The following UPRT variants were observed in gnomAD, a reference collection of about 807,000 sequenced individuals.
The protein encoded by UPRT is RP11-311P8.3.
In UPRT, 5 loss-of-function variants were observed where a neutral mutation model predicts 22.6. The ratio of observed to expected loss-of-function variants is 0.22; its 90% confidence interval spans 0.12 to 0.47. The LOEUF (loss-of-function observed/expected upper bound fraction) is 0.47, where lower values mean the gene tolerates loss of function less well. Among genes scored for constraint, UPRT ranks in the 20% least tolerant of loss-of-function variants. The probability of loss-of-function intolerance (pLI) is 0.99; values close to 1 mark genes in which losing one functional copy is unlikely to be tolerated. For missense variants in UPRT, 181 were observed against 239.9 expected, an observed-to-expected ratio of 0.75 and a Z score of 1.62; for synonymous variants, 77 against 87.7, an observed-to-expected ratio of 0.88 and a Z score of 0.68.
chrX:75,274,874 G>T (rs2082625591), intron 1 of UPRT: 3 of 380,734 alleles, frequency 7.9e-6, no homozygotes, highest in Non-Finnish European at 1.3e-5. Flanking sequence ...ACATCACTTT[G>T]GGTGGGGAGG....
chrX:75,179,841 C>G (rs1044794236), intron 4 of UPRT, among the ~76,000 whole-genome samples: 1 of 112,945 alleles, frequency 8.9e-6, no homozygotes, highest in East Asian at 2.8e-4. Context: ...CACACCTACC[C>G]GGAACTCCAG....
upstream of UPRT, among the ~76,000 whole-genome samples, chrX:75,270,232 G>C (rs5938006): frequency 0.055 from 6,113 of 111,352 alleles, 208 homozygotes; most frequent in South Asian, 0.13. Flanking sequence ...TTAGAATGGT[G>C]ATCATTAAAA....
chrX:75,217,658 A>G (rs1369290924), intron 4 of UPRT, among the ~76,000 whole-genome samples: 1 of 112,072 alleles, frequency 8.9e-6, no homozygotes, highest in Non-Finnish European at 1.9e-5. Context: ...TTGATTTTCC[A>G]AAACAGCATG....
chrX:75,158,319 T>G (rs2082189578), intron 1 of UPRT, among the ~76,000 whole-genome samples: 1 of 111,961 alleles, frequency 8.9e-6, no homozygotes, highest in Admixed American at 9.5e-5. Context: ...GAGACAGAGG[T>G]ATACACAATA....
At chrX:75,226,619 A>G (rs1006324288) in intron 4 of UPRT, among the ~76,000 whole-genome samples, 1 of 111,081 alleles carries the variant, frequency 9.0e-6, no homozygotes, top group African/African-American at 3.3e-5. Context: ...CCGAGATTGC[A>G]TTCTTATCTA....
chrX:75,167,608 T>C (rs1455152688), intron 3 of UPRT, among the ~76,000 whole-genome samples: 3 of 112,287 alleles, frequency 2.7e-5, no homozygotes, highest in Non-Finnish European at 5.6e-5. Flanking sequence ...TTTAATCTTA[T>C]AATTTCAAAA....
intron 1 of UPRT, among the ~76,000 whole-genome samples, chrX:75,157,122 A>G (rs1477874627): frequency 8.9e-6 from 1 of 112,330 alleles, no homozygotes; most frequent in Non-Finnish European, 1.9e-5. Context: ...AAATGTCAAA[A>G]TATGTTTACA....
chrX:75,252,628 G>C (rs995002990), intron 4 of UPRT, among the ~76,000 whole-genome samples: 2 of 112,082 alleles, frequency 1.8e-5, no homozygotes, highest in African/African-American at 6.5e-5. Flanking sequence ...GTGGAAGTCA[G>C]TGTGGCGATT....
chrX:75,259,123 G>A (rs990248846), intron 4 of UPRT, among the ~76,000 whole-genome samples: 10 of 111,115 alleles, frequency 9.0e-5, no homozygotes, highest in African/African-American at 2.9e-4. Context: ...GAAGGTCACC[G>A]ACATCAAAGA....
chrX:75,226,533 C>T (rs973540951), intron 4 of UPRT, among the ~76,000 whole-genome samples: 1 of 111,724 alleles, frequency 9.0e-6, no homozygotes, highest in Non-Finnish European at 1.9e-5. Flanking sequence ...CCTAGTCACT[C>T]TGCTAATTAA....
At chrX:75,165,527 A>G (rs2082210715) in intron 3 of UPRT, among the ~76,000 whole-genome samples, 2 of 111,526 alleles carry the variant, frequency 1.8e-5, no homozygotes, top group African/African-American at 6.5e-5. Flanking sequence ...AGGGATTACA[A>G]TTCTCCAATG....
At chrX:75,230,291 G>T (rs1279608283) in intron 4 of UPRT, among the ~76,000 whole-genome samples, 1 of 111,420 alleles carries the variant, frequency 9.0e-6, no homozygotes, top group Non-Finnish European at 1.9e-5. Flanking sequence ...TCTCAGACCT[G>T]CCTACCCTAC....
At chrX:75,238,390 C>A (rs1242034229) in intron 4 of UPRT, among the ~76,000 whole-genome samples, 1 of 111,746 alleles carries the variant, frequency 8.9e-6, no homozygotes, top group African/African-American at 3.2e-5. Flanking sequence ...TAAAGAGGGG[C>A]ATTATATAAT....
chrX:75,183,849 C>T lies in UPRT; in HGVS notation c.-447+15970C>T, dbSNP rs149850849. 7.2e-3 allele frequency among the ~76,000 whole-genome samples: 803 copies of T among 112,074 alleles called. 9 individuals are homozygous for T. Among genetic ancestry groups the T allele is most frequent in the African/African-American group, 0.025 (759 of 30,831 alleles). On this transcript the variant is annotated intron_variant, in intron 4 of 13. Coordinates refer to the UPRT transcript ENST00000652605. ...TTGAGAAATATCTGTTCATATCCTTCGCCCACTTATTGATGGGGTTGTTTG... is the reference window on the plus strand; with the variant it reads ...TTGAGAAATATCTGTTCATATCCTTTGCCCACTTATTGATGGGGTTGTTTG...
chrX:75,236,098 T>A (rs766809716), intron 4 of UPRT, among the ~76,000 whole-genome samples: 4 of 111,489 alleles, frequency 3.6e-5, no homozygotes, highest in South Asian at 3.9e-4. Flanking sequence ...ACTTCAGCAA[T>A]GTCTCGGGAT....
intron 4 of UPRT, among the ~76,000 whole-genome samples, chrX:75,213,499 T>TA (rs764306843): frequency 5.4e-5 from 6 of 112,132 alleles, no homozygotes; most frequent in Non-Finnish European, 1.1e-4. Context: ...CTTTAAATGT[T>TA]AATGGTCTAA....
intron 1 of UPRT, chrX:75,291,539 AC>A (rs1180738937): frequency 1.9e-5 from 4 of 212,446 alleles, no homozygotes; most frequent in African/African-American, 1.2e-4. Flanking sequence ...CTCAGAGAAT[AC>A]ATGCAGCTTC....
In UPRT at chrX:75,249,266, A is replaced by G. The variant is rs140312461; in HGVS notation, c.-446-41758A>G. On this transcript the variant is annotated intron_variant, in intron 4 of 13. Coordinates refer to the UPRT transcript ENST00000652605. The stretch of plus-strand genomic sequence containing the variant: ...CCAATTAAAATGTACAGACTGGCAA[A>G]TTGGATAAAGAGTCAAGACCCATCG... 5.1e-3 allele frequency among the ~76,000 whole-genome samples: 573 copies of G among 111,786 alleles called. 3 individuals carry two copies. Among genetic ancestry groups the G allele is most frequent in the Non-Finnish European group, 8.2e-3 (436 of 53,189 alleles).
At chrX:75,301,753 G>A (rs906655167) in intron 6 of UPRT, among the ~76,000 whole-genome samples, 3 of 111,538 alleles carry the variant, frequency 2.7e-5, no homozygotes, top group African/African-American at 9.8e-5. Context: ...ATAGGGTAAA[G>A]TGTTACCACC....
Sources: gnomAD v4.1 joint callset for allele counts (sites outside exome capture counted in the v4.1 genomes callset) on GRCh38, gnomAD v4.1.1 for gene constraint, MANE v1.5 for transcripts, NCBI Gene and HGNC (gene_info 2026-07-23, HGNC 2026-07-21) for gene names.